The following TTLL7 variants were observed in gnomAD, a reference collection of about 807,000 sequenced individuals.
The protein encoded by TTLL7 is tubulin polyglutamylase TTLL7.
TTLL7 carries 53 observed loss-of-function variants against 120.2 expected under a neutral mutation model. That is an observed-to-expected ratio of 0.44 (90% CI 0.35 to 0.55). TTLL7 has a LOEUF of 0.55. Ranked by LOEUF, TTLL7 falls within the 20% of genes least tolerant of loss-of-function variation. The pLI, the probability that TTLL7 is intolerant of heterozygous loss-of-function variation, is 0.00. For synonymous variants in TTLL7, 353 were observed against 351.7 expected (o/e 1.00, Z -0.04); for missense variants, 803 against 1,054.7 (o/e 0.76, Z 3.31).
chr1:83,960,754 C>A (rs1441751123), intron 1 of TTLL7, among the ~76,000 whole-genome samples: 1 of 152,070 alleles, frequency 6.6e-6, no homozygotes, highest in Non-Finnish European at 1.5e-5. Context: ...GTCCTTTCTG[C>A]CAAGAAAGGA....
chr1:83,923,993 T>C (rs1313436739), intron 10 of TTLL7, among the ~76,000 whole-genome samples: 1 of 152,164 alleles, frequency 6.6e-6, no homozygotes, highest in Non-Finnish European at 1.5e-5. Flanking sequence ...ATGAGCTTGT[T>C]TTGCTCTGTC....
chr1:83,975,760 C>A (rs569695053), intron 1 of TTLL7, among the ~76,000 whole-genome samples: 1 of 152,004 alleles, frequency 6.6e-6, no homozygotes, highest in Non-Finnish European at 1.5e-5. Flanking sequence ...TTCAAAGGGG[C>A]CTCCCCATAT....
In TTLL7 at chr1:83,906,432, T is replaced by G. The variant is rs1368825714; in HGVS notation, c.2024A>C (p.Glu675Ala). ...SESLRQLKTK[E>A]QEDDLTSQTL... ...CTGACTTGTTAGATCATCTTCTTGT[T>G]CTTTTGTTTTCAGTTGCCGCAAAGA... is the stretch of plus-strand genomic sequence containing the variant. The change falls in exon 17 of 21, where the codon GAA becomes GCA. Residue 675 changes from glutamate (E) to alanine (A), a missense_variant. Coordinates refer to ENST00000260505, the MANE Select transcript of TTLL7 (RefSeq NM_024686.6). The G allele has an allele frequency of 1.2e-6, 2 of 1,612,234 alleles. No homozygotes were observed. Among genetic ancestry groups the G allele is most frequent in the East Asian group, 2.2e-5 (1 of 44,728 alleles).
chr1:83,938,041 G>A, intron 7 of TTLL7, 25 bp from the exon 8 acceptor site: 1 of 1,611,724 alleles, frequency 6.2e-7, no homozygotes, highest in Non-Finnish European at 8.5e-7. Context: ...AACCAAAGTT[G>A]TTACCACCTA....
intron 1 of TTLL7, among the ~76,000 whole-genome samples, chr1:83,960,671 C>A (rs1462156822): frequency 6.6e-6 from 1 of 151,978 alleles, no homozygotes; most frequent in Non-Finnish European, 1.5e-5. Context: ...TAAGGGAATC[C>A]TCTACTTTTA....
At chr1:83,998,425 C>T (rs1653680772) in intron 1 of TTLL7, among the ~76,000 whole-genome samples, 1 of 152,124 alleles carries the variant, frequency 6.6e-6, no homozygotes, top group Non-Finnish European at 1.5e-5. Flanking sequence ...TGGATGATGG[C>T]ATGAGTCAGG....
At chr1:83,910,555 G>T (rs1374651734) in intron 15 of TTLL7, among the ~76,000 whole-genome samples, 2 of 151,638 alleles carry the variant, frequency 1.3e-5, no homozygotes, top group Admixed American at 1.3e-4. Flanking sequence ...AATGTAAAAA[G>T]AAATACAGAC....
chr1:83,944,990 A>T (rs1046457042), intron 6 of TTLL7, among the ~76,000 whole-genome samples: 2 of 152,186 alleles, frequency 1.3e-5, no homozygotes, highest in Non-Finnish European at 2.9e-5. Context: ...ATCATTTTTT[A>T]AAACTCAACA....
At chr1:83,973,743 AGAGT>A (rs1342412536) in intron 1 of TTLL7, among the ~76,000 whole-genome samples, 1 of 152,048 alleles carries the variant, frequency 6.6e-6, no homozygotes, top group African/African-American at 2.4e-5. Flanking sequence ...TTTGCTCATC[AGAGT>A]TTTTGTAGTT....
At chr1:83,961,329 A>C (rs1347931151) in intron 1 of TTLL7, among the ~76,000 whole-genome samples, 3 of 152,142 alleles carry the variant, frequency 2.0e-5, no homozygotes, top group Non-Finnish European at 4.4e-5. Context: ...TAATCCCATA[A>C]AAATTAAGCC....
At chr1:83,898,603 C>T (rs1285126559) in intron 18 of TTLL7, among the ~76,000 whole-genome samples, 4 of 151,704 alleles carry the variant, frequency 2.6e-5, no homozygotes, top group Non-Finnish European at 4.4e-5. Flanking sequence ...CACTTTGACT[C>T]ATTATTATAT....
At chr1:83,956,626 C>T (rs548278664) in intron 1 of TTLL7, among the ~76,000 whole-genome samples, 1 of 152,276 alleles carries the variant, frequency 6.6e-6, no homozygotes, top group South Asian at 2.1e-4. Flanking sequence ...GACGAGGTTT[C>T]TCCATGTTGG....
At position 83,969,365 on chromosome 1, in the gene TTLL7, T is replaced by C. The variant is rs192072340; in HGVS notation, c.-176-16978A>G. On this transcript the variant is annotated intron_variant, in intron 1 of 20. Transcript: ENST00000260505. ...TTATTTACAACTAATATCTCATATA[T>C]CATAAAATTAGATATCACTTTTGTA... is the stretch of plus-strand genomic sequence containing the variant. Among the ~76,000 whole-genome samples, 107 of 152,034 alleles carry C rather than the reference T, an allele frequency of 7.0e-4. 1 individual carries two copies. Among genetic ancestry groups the C allele is most frequent in the African/African-American group, 2.4e-3 (101 of 41,542 alleles).
intron 10 of TTLL7, 45 bp from the exon 11 acceptor site, chr1:83,921,439 T>C: frequency 6.3e-7 from 1 of 1,593,018 alleles, no homozygotes; most frequent in African/African-American, 1.4e-5. Context: ...TCGAACAAGT[T>C]CTGATCTTAT....
chr1:83,939,958 T>C (rs574621779), intron 7 of TTLL7, among the ~76,000 whole-genome samples: 2 of 152,312 alleles, frequency 1.3e-5, no homozygotes, highest in East Asian at 1.9e-4. Flanking sequence ...GGTCTCACTT[T>C]ACAGACACTT....
chr1:83,963,206 A>T (rs1241652796), intron 1 of TTLL7, among the ~76,000 whole-genome samples: 1 of 152,142 alleles, frequency 6.6e-6, no homozygotes, highest in African/African-American at 2.4e-5. Flanking sequence ...CAATCATGGG[A>T]TCCCATCCTC....
chr1:83,985,628 T>C (rs191555618), intron 1 of TTLL7, among the ~76,000 whole-genome samples: 5 of 152,288 alleles, frequency 3.3e-5, no homozygotes, highest in African/African-American at 9.6e-5. Flanking sequence ...CGGGGGACGA[T>C]TGCTTGAGCC....
In TTLL7 at chr1:83,900,564, G is replaced by A. The variant is rs372563601; in HGVS notation, c.2208+3515C>T. Among the ~76,000 whole-genome samples, 66 of 151,898 alleles carry A rather than the reference G, an allele frequency of 4.3e-4. 1 individual carries two copies. The South Asian group carries it at 0.013, about 30-fold the overall frequency. The stretch of plus-strand genomic sequence containing the variant: ...GCCGAAGCAAGGTCCTGGGGTCAGG[G>A]AGAGACACTCTCTGCCTCTTTCCCT... On this transcript the variant is annotated intron_variant, in intron 18 of 20. Transcript: ENST00000260505.
At chr1:83,947,061 T>C in intron 6 of TTLL7, 63 bp downstream of exon 6, 1 of 1,392,038 alleles carries the variant, frequency 7.2e-7, no homozygotes, top group Non-Finnish European at 9.7e-7. Flanking sequence ...ATTATGCACA[T>C]TTATTCTCCC....
Sources: gnomAD v4.1 joint callset for allele counts (sites outside exome capture counted in the v4.1 genomes callset) on GRCh38, gnomAD v4.1.1 for gene constraint, MANE v1.5 for transcripts, NCBI Gene and HGNC (gene_info 2026-07-23, HGNC 2026-07-21) for gene names.